TSHZ2: variants seen among roughly 807,000 people sequenced by gnomAD.
TSHZ2 encodes the protein teashirt zinc finger homeobox 2, also known as teashirt homolog 2.
TSHZ2 carries 21 observed loss-of-function variants against 74.4 expected under a neutral mutation model. The ratio of observed to expected loss-of-function variants is 0.28; its 90% CI spans 0.20 to 0.41. TSHZ2 has a LOEUF of 0.41. Ranked by LOEUF, TSHZ2 falls within the 10% of genes least tolerant of loss-of-function variation. TSHZ2 has a pLI of 1.00. For synonymous variants in TSHZ2, 540 were observed against 515.3 expected, an observed-to-expected ratio of 1.05 and a Z score of -0.65; for missense variants, 1,244 against 1,293.5, an observed-to-expected ratio of 0.96 and a Z score of 0.59.
intron 1 of TSHZ2, among the ~76,000 whole-genome samples, chr20:53,249,178 A>C (rs985981290): frequency 7.9e-5 from 12 of 152,188 alleles, no homozygotes; most frequent in African/African-American, 2.7e-4. Flanking sequence ...GTTGATTAGC[A>C]TGATTGTAAT....
chr20:53,137,936 G>C (rs1568777542), intron 1 of TSHZ2, among the ~76,000 whole-genome samples: 1 of 152,096 alleles, frequency 6.6e-6, no homozygotes, highest in Non-Finnish European at 1.5e-5. Context: ...ATCTAATAAA[G>C]TGTATTTTTA....
At position 53,494,078 on chromosome 20, in the gene TSHZ2, A is replaced by C. The variant is rs1986515365; in HGVS notation, c.*6943A>C. Reference sequence around the variant, plus strand: ...GGCAGGCGGATCACTTGAGGTCAGGAGTTTCAGACCAACCTGGCCAACATG... The same window carrying C: ...GGCAGGCGGATCACTTGAGGTCAGGCGTTTCAGACCAACCTGGCCAACATG... On this transcript the variant is annotated 3_prime_UTR_variant, in exon 3 of 3. Transcript: ENST00000371497. The C allele has an allele frequency of 6.6e-6, 1 of 152,342 alleles. No individual in the cohort carries two copies. The highest frequency in any genetic ancestry group is 2.1e-4 in the South Asian group (1 of 4,838). The allele number at this position is 152,342 out of a possible 1,614,324, so 9.4% of individuals were successfully genotyped here.
chr20:53,278,003 T>A (rs1163911149), intron 2 of TSHZ2, among the ~76,000 whole-genome samples: 1 of 152,112 alleles, frequency 6.6e-6, no homozygotes, highest in Non-Finnish European at 1.5e-5. Flanking sequence ...CTGTCCCAGT[T>A]TGGCCAGCAC....
intron 1 of TSHZ2, among the ~76,000 whole-genome samples, chr20:53,170,734 A>G (rs753339042): frequency 1.3e-5 from 2 of 152,198 alleles, no homozygotes; most frequent in Non-Finnish European, 2.9e-5. Context: ...TAGCGGTACT[A>G]AAATAGACCT....
At chr20:53,415,179 A>G (rs1983193857) in intron 2 of TSHZ2, among the ~76,000 whole-genome samples, 1 of 152,214 alleles carries the variant, frequency 6.6e-6, no homozygotes, top group Admixed American at 6.5e-5. Flanking sequence ...ATACTCCATT[A>G]TTGAAAACCC....
At chr20:53,084,146 C>T (rs866878127) in intron 1 of TSHZ2, among the ~76,000 whole-genome samples, 15 of 152,148 alleles carry the variant, frequency 9.9e-5, no homozygotes, top group South Asian at 4.2e-4. Context: ...AAGTAAAGAA[C>T]GACAAAATAC....
At chr20:53,140,879 C>G (rs1298884474) in intron 1 of TSHZ2, among the ~76,000 whole-genome samples, 1 of 152,120 alleles carries the variant, frequency 6.6e-6, no homozygotes, top group Non-Finnish European at 1.5e-5. Flanking sequence ...ACGGTGTGGA[C>G]AGCAGGTACT....
chr20:53,029,367 T>C (rs1472987283), intron 1 of TSHZ2, among the ~76,000 whole-genome samples: 1 of 152,194 alleles, frequency 6.6e-6, no homozygotes, highest in Non-Finnish European at 1.5e-5. Flanking sequence ...TATAAAAATA[T>C]ATTGTGGTTT....
intron 1 of TSHZ2, among the ~76,000 whole-genome samples, chr20:53,066,881 A>G (rs1985007615): frequency 6.6e-6 from 1 of 152,082 alleles, no homozygotes; most frequent in Non-Finnish European, 1.5e-5. Flanking sequence ...TTTCTCCCCT[A>G]TGATGCCTCT....
chr20:53,058,412 A>G (rs1984713248), intron 1 of TSHZ2, among the ~76,000 whole-genome samples: 1 of 152,222 alleles, frequency 6.6e-6, no homozygotes, highest in South Asian at 2.1e-4. Context: ...TGAAGTCACA[A>G]TCATAACAGG....
intron 1 of TSHZ2, among the ~76,000 whole-genome samples, chr20:53,148,714 T>A (rs1987604389): frequency 6.6e-6 from 1 of 152,174 alleles, no homozygotes; most frequent in South Asian, 2.1e-4. Context: ...CTCCCAATCT[T>A]TTCTGAGATT....
intron 1 of TSHZ2, among the ~76,000 whole-genome samples, chr20:53,152,862 T>C (rs1479184826): frequency 6.6e-6 from 1 of 152,190 alleles, no homozygotes; most frequent in Non-Finnish European, 1.5e-5. Context: ...TAATTACATT[T>C]ATAACATGGT....
intron 2 of TSHZ2, among the ~76,000 whole-genome samples, chr20:53,439,121 C>G (rs1012574371): frequency 1.3e-5 from 2 of 152,090 alleles, no homozygotes; most frequent in African/African-American, 4.8e-5. Context: ...AATGAATAAA[C>G]AAAGAGTATG....
At chr20:53,046,162 C>T (rs984876674) in intron 1 of TSHZ2, among the ~76,000 whole-genome samples, 1 of 152,122 alleles carries the variant, frequency 6.6e-6, no homozygotes, top group African/African-American at 2.4e-5. Context: ...AGGGGAGACA[C>T]GAAGCCAAAC....
At chr20:53,356,776 G>C (rs1032101971) in intron 2 of TSHZ2, among the ~76,000 whole-genome samples, 7 of 152,082 alleles carry the variant, frequency 4.6e-5, no homozygotes, top group Non-Finnish European at 1.5e-5. Flanking sequence ...GGAATAGCTA[G>C]ATAATGAAGT....
intron 2 of TSHZ2, among the ~76,000 whole-genome samples, chr20:53,331,015 A>G (rs142301290): frequency 1.3e-5 from 2 of 152,308 alleles, no homozygotes; most frequent in Admixed American, 1.3e-4. Context: ...CTCTGAATTC[A>G]GCCTGCTGTG....
intron 1 of TSHZ2, among the ~76,000 whole-genome samples, chr20:53,228,273 T>C (rs1027164200): frequency 2.6e-5 from 4 of 152,252 alleles, no homozygotes; most frequent in South Asian, 4.1e-4. Flanking sequence ...AAAGGCACCA[T>C]GAATGAGAAA....
At chr20:53,107,138 C>T (rs1016463107) in intron 1 of TSHZ2, among the ~76,000 whole-genome samples, 2 of 152,220 alleles carry the variant, frequency 1.3e-5, no homozygotes, top group African/African-American at 4.8e-5. Flanking sequence ...GATGACTTGA[C>T]CTTCTCCCAC....
chr20:53,470,206 C>T (rs1328055921), intron 2 of TSHZ2, among the ~76,000 whole-genome samples: 1 of 152,180 alleles, frequency 6.6e-6, no homozygotes, highest in Admixed American at 6.5e-5. Flanking sequence ...ATAGTATCCA[C>T]TCACCCACAT....
Sources: allele counts gnomAD v4.1 joint callset (sites outside exome capture counted in the v4.1 genomes callset), GRCh38; gene constraint gnomAD v4.1.1; transcripts MANE v1.5; gene names NCBI Gene and HGNC (gene_info 2026-07-23, HGNC 2026-07-21).